Variants in SIRT1 observed in about 807,000 individuals in gnomAD.
SIRT1 encodes the protein NAD-dependent protein deacetylase sirtuin-1.
SIRT1 carries 24 observed loss-of-function variants against 67.9 expected under a neutral mutation model. The ratio of observed to expected loss-of-function variants is 0.35; its 90% CI spans 0.26 to 0.50. SIRT1 has a LOEUF of 0.50. SIRT1 is among the 20% of genes least tolerant of loss of function. The probability of loss-of-function intolerance (pLI) is 0.98; values close to 1 mark genes in which losing one functional copy is unlikely to be tolerated. For missense variants in SIRT1, 873 were observed against 937.2 expected (o/e 0.93, Z 0.89); for synonymous variants, 378 against 350.7 (o/e 1.08, Z -0.87).
intron 4 of SIRT1, among the ~76,000 whole-genome samples, chr10:67,902,794 T>A (rs957899484): frequency 2.6e-5 from 4 of 152,152 alleles, no homozygotes; most frequent in African/African-American, 9.7e-5. Flanking sequence ...AAATTCTGAT[T>A]TTTAAAGAGG....
At chr10:67,899,095 GTTC>G (rs1468050301) in intron 4 of SIRT1, among the ~76,000 whole-genome samples, 1 of 152,012 alleles carries the variant, frequency 6.6e-6, no homozygotes, top group Non-Finnish European at 1.5e-5. Context: ...ACATGTCAAA[GTTC>G]TTCTTTAAGC....
chr10:67,889,271 C>G, intron 3 of SIRT1, 148 bp downstream of exon 3: 3 of 856,862 alleles, frequency 3.5e-6, no homozygotes, highest in South Asian at 2.2e-5. Context: ...GCAGCAGTTG[C>G]TAAATTAGTT....
chr10:67,887,856 A>G (rs1842510330), intron 2 of SIRT1, among the ~76,000 whole-genome samples: 1 of 152,338 alleles, frequency 6.6e-6, no homozygotes, highest in East Asian at 1.9e-4. Flanking sequence ...GATTACAGGC[A>G]TGTGCCACCT....
At chr10:67,898,237 CGA>C (rs1564887256) in intron 4 of SIRT1, among the ~76,000 whole-genome samples, 1 of 130,138 alleles carries the variant, frequency 7.7e-6, no homozygotes, top group Non-Finnish European at 1.6e-5. Flanking sequence ...CCAGCCTGGG[CGA>C]GAGAGTGAGA....
intron 4 of SIRT1, among the ~76,000 whole-genome samples, chr10:67,905,378 A>G (rs940192869): frequency 6.6e-6 from 1 of 152,226 alleles, no homozygotes; most frequent in East Asian, 1.9e-4. Context: ...TGCACTCTCT[A>G]TTTCTTAAAT....
rs1381917502 is a variant in SIRT1, at chr10:67,884,764, C to A, written c.43C>A (p.Pro15Thr). ...AALALQPGGSPSAAGADREAA... is the reference protein window; with the variant it reads ...AALALQPGGSTSAAGADREAA... ...CCTCGCCCTTCAGCCCGGCGGCTCC[C>A]CCTCGGCGGCGGGGGCCGACAGGGA... is the stretch of plus-strand genomic sequence containing the variant. Residue 15 changes from proline to threonine, a missense_variant, in exon 1 of 9, where the codon CCC (proline) becomes ACC (threonine). Pro to Thr is a conservative substitution (Grantham distance 38, BLOSUM62 -1). Transcript: ENST00000212015. 1.6e-6 allele frequency: 2 copies of A among 1,228,292 alleles called. No individual in the cohort carries two copies. The highest frequency in any genetic ancestry group is 2.0e-6 in the Non-Finnish European group (2 of 985,736). The allele number at this position is 1,228,292 out of a possible 1,614,324, so 76.1% of individuals were successfully genotyped here.
Position 67,885,080 on chromosome 10 carries a change from T to C in SIRT1, c.359T>C (p.Leu120Ser), listed in dbSNP as rs1030015286. Residue 120 changes from leucine to serine, a missense_variant, in exon 1 of 9, where the codon TTG (leucine) becomes TCG (serine). By Grantham distance (145) the Leu-to-Ser change is moderately radical. Coordinates refer to ENST00000212015, the MANE Select transcript of SIRT1 (RefSeq NM_012238.5). Reference protein sequence around the residue: ...PSREPPLADNLYDEDDDDEGE... With the variant: ...PSREPPLADNSYDEDDDDEGE... Reference sequence around the variant, plus strand: ...CGGGAGCCACCGCTGGCCGACAACTTGTACGACGAAGACGACGACGACGAG... The same window carrying C: ...CGGGAGCCACCGCTGGCCGACAACTCGTACGACGAAGACGACGACGACGAG... 13 of 1,445,766 alleles carry C rather than the reference T, an allele frequency of 9.0e-6. No individual in the cohort carries two copies. The highest frequency in any genetic ancestry group is 1.2e-5 in the Non-Finnish European group (13 of 1,092,982). 89.6% of individuals were successfully genotyped at this position (1,445,766 alleles called of 1,614,324 possible). A position where few individuals can be genotyped will look rare whatever the true frequency, so the allele number is the denominator to read the frequency against.
chr10:67,889,061 A>G lies in SIRT1; in HGVS notation c.727A>G (p.Ile243Val), dbSNP rs200711525. 14 of 1,610,714 alleles carry G rather than the reference A, an allele frequency of 8.7e-6. No individual in the cohort carries two copies. The South Asian group carries it at 1.3e-4, about 15-fold the overall frequency. The change falls in exon 3 of 9, where the codon ATT becomes GTT. Residue 243 changes from isoleucine to valine, a missense_variant. Coordinates refer to ENST00000212015, the MANE Select transcript of SIRT1 (RefSeq NM_012238.5). ...GAAAAAAAGAAAAGATATTAATACA[A>G]TTGAAGATGCTGTGAAATTACTGCA... ...KRKKRKDINT[I>V]EDAVKLLQEC... is the part of the protein sequence containing the mutation.
chr10:67,891,075 T>TA (rs1842565547), intron 3 of SIRT1, among the ~76,000 whole-genome samples: 1 of 151,974 alleles, frequency 6.6e-6, no homozygotes, highest in Admixed American at 6.6e-5. Flanking sequence ...CTTCCCTACT[T>TA]AAAATAATTT....
rs774376548 is a variant in SIRT1 at position 67,916,481 on chromosome 10, G to C, written c.2132G>C (p.Arg711Thr). ...GAAGATGAGCCTGATGTTCCAGAGA[G>C]AGCTGGAGGAGCTGGATTTGGGACT... The part of the protein sequence containing the change: ...GLEDEPDVPE[R>T]AGGAGFGTDG... The change falls in exon 9 of 9, where the codon AGA becomes ACA. Residue 711 changes from arginine (R) to threonine (T), a missense_variant. Physicochemically the swap from Arg to Thr is moderately conservative, Grantham distance 71. This residue lies in a region of SIRT1 where 295 missense variants were observed against 294.5 expected (regional missense o/e 1.00). Coordinates refer to ENST00000212015, the MANE Select transcript of SIRT1 (RefSeq NM_012238.5). 1.1e-5 allele frequency: 18 copies of C among 1,614,040 alleles called. No homozygotes were observed. In the East Asian group the frequency reaches 3.8e-4, roughly 34 times the overall value.
chr10:67,906,000 C>T, intron 4 of SIRT1: 1 of 452,862 alleles, frequency 2.2e-6, no homozygotes, highest in Admixed American at 4.4e-5. Flanking sequence ...TAGATGATAG[C>T]ACTACTACTT....
Position 67,909,293 on chromosome 10 carries a change from C to T in SIRT1, c.1208C>T (p.Pro403Leu), listed in dbSNP as rs748394475. The change falls in exon 7 of 9, where the codon CCG becomes CTG. Residue 403 changes from proline to leucine, a missense_variant. Around this residue, in one of 3 missense-constraint regions of SIRT1, gnomAD observed 251 missense variants for 358.8 expected, o/e 0.70. Coordinates refer to ENST00000212015, the MANE Select transcript of SIRT1 (RefSeq NM_012238.5). ...PRCPRCPADEPLAIMKPEIVF... is the reference protein window; with the variant it reads ...PRCPRCPADELLAIMKPEIVF... ...TGTCCTAGGTGCCCAGCTGATGAAC[C>T]GCTTGCTATCATGAAACCAGAGATT... 26 of 1,611,202 alleles carry T rather than the reference C, an allele frequency of 1.6e-5. No individual in the cohort carries two copies. The East Asian group carries it at 2.5e-4, about 15-fold the overall frequency.
At chr10:67,885,738 C>G (rs1438620032) in intron 1 of SIRT1, among the ~76,000 whole-genome samples, 1 of 152,040 alleles carries the variant, frequency 6.6e-6, no homozygotes, top group Non-Finnish European at 1.5e-5. Context: ...CATTACCATT[C>G]TGTAATGCAG....
rs377002106 is a variant in SIRT1 at position 67,909,221 on chromosome 10, C to G, written c.1171-35C>G. ...ATTTCTAACTTGGGCTTACTCTTTG[C>G]TTCTCTACCTCAACCAAAATCTGAA... On this transcript the variant is annotated intron_variant, in intron 6 of 8. Transcript: ENST00000212015. 4.7e-6 allele frequency: 7 copies of G among 1,498,658 alleles called. No individual in the cohort carries two copies. The African/African-American group carries it at 8.4e-5, about 18-fold the overall frequency. 92.8% of individuals were successfully genotyped at this position (1,498,658 alleles called of 1,614,324 possible).
intron 8 of SIRT1, among the ~76,000 whole-genome samples, chr10:67,913,859 G>T (rs1842937101): frequency 6.6e-6 from 1 of 152,098 alleles, no homozygotes; most frequent in African/African-American, 2.4e-5. Flanking sequence ...CCAGTCATTT[G>T]CTGTAAATAC....
At chr10:67,915,632 TGTG>T (rs1388536550) in intron 8 of SIRT1, among the ~76,000 whole-genome samples, 2 of 152,204 alleles carry the variant, frequency 1.3e-5, no homozygotes, top group African/African-American at 2.4e-5. Context: ...ACTATGAATT[TGTG>T]GTGACTACAT....
At chr10:67,903,321 A>G (rs1446021035) in intron 4 of SIRT1, among the ~76,000 whole-genome samples, 1 of 151,642 alleles carries the variant, frequency 6.6e-6, no homozygotes, top group Non-Finnish European at 1.5e-5. Flanking sequence ...TTTTATTCAT[A>G]TTGCTAGAAA....
chr10:67,892,099 T>C (rs1842582862), intron 4 of SIRT1, among the ~76,000 whole-genome samples: 1 of 152,192 alleles, frequency 6.6e-6, no homozygotes, highest in East Asian at 1.9e-4. Flanking sequence ...TTGAAATGTA[T>C]TGATATGTGC....
intron 3 of SIRT1, among the ~76,000 whole-genome samples, chr10:67,890,850 G>A (rs1842559611): frequency 6.6e-6 from 1 of 151,928 alleles, no homozygotes; most frequent in East Asian, 1.9e-4. Flanking sequence ...CTAACATGGT[G>A]ACACCCCGTC....
Sources: allele counts gnomAD v4.1 joint callset (sites outside exome capture counted in the v4.1 genomes callset), GRCh38; gene constraint gnomAD v4.1.1; regional missense constraint gnomAD v4.1.1; transcripts MANE v1.5; gene names NCBI Gene and HGNC (gene_info 2026-07-23, HGNC 2026-07-21).